Variants in SRPRB observed in about 807,000 individuals in gnomAD.
The protein encoded by SRPRB is SRP receptor subunit beta.
A neutral mutation model predicts 31.9 loss-of-function variants in SRPRB; 20 were observed. The observed-to-expected ratio is 0.63, with a 90% CI of 0.44 to 0.91. The LOEUF (loss-of-function observed/expected upper bound fraction) is 0.91, where lower values mean the gene tolerates loss of function less well. Ranked by LOEUF, SRPRB falls within the 40% of genes least tolerant of loss-of-function variation. The pLI is 0.00. For synonymous variants in SRPRB, 146 were observed against 132.8 expected (o/e 1.10, Z -0.68); for missense variants, 321 against 324.9 (o/e 0.99, Z 0.09).
At chr3:133,803,805 A>G (rs1434224374), upstream of SRPRB, among the ~76,000 whole-genome samples, 1 of 151,872 alleles carries the variant, frequency 6.6e-6, no homozygotes, top group Non-Finnish European at 1.5e-5. Context: ...CTGAGACTGC[A>G]GGCATATGCC....
chr3:133,812,674 T>A (rs918036228), intron 4 of SRPRB, among the ~76,000 whole-genome samples: 2 of 152,260 alleles, frequency 1.3e-5, no homozygotes, highest in Non-Finnish European at 2.9e-5. Flanking sequence ...GCTGTTCTTA[T>A]CATGGTTCCC....
chr3:133,790,198 C>T (rs1269875790), intron 1 of SRPRB: 2 of 152,114 alleles, frequency 1.3e-5, no homozygotes, highest in African/African-American at 2.4e-5. Context: ...CATTTAAGAT[C>T]TGGGCCATTT....
At chr3:133,794,701 C>G (rs1934923796) in intron 1 of SRPRB, 1 of 152,186 alleles carries the variant, frequency 6.6e-6, no homozygotes, top group Non-Finnish European at 1.5e-5. Flanking sequence ...GAACTGTACA[C>G]CCATTGGAAC....
chr3:133,823,309 AGTGGCAGTG>A (rs1935504395), downstream of SRPRB, among the ~76,000 whole-genome samples: 1 of 144,402 alleles, frequency 6.9e-6, no homozygotes, highest in Admixed American at 7.4e-5. Flanking sequence ...CCCAGGCTGG[AGTGGCAGTG>A]GTGCCGTCTC....
Position 133,820,521 on chromosome 3 carries a change from TG to T in SRPRB, c.*756del, listed in dbSNP as rs1434024661. On this transcript the variant is annotated 3_prime_UTR_variant, in exon 7 of 7. Transcript: ENST00000678299. ...GTGCTGCTCTGCTGCTCTGGATGGC[TG>T]AAGGCTCCTGGGCCATCTTCATGTG... 6.6e-6 allele frequency: 1 copy of T among 152,262 alleles called. No homozygotes were observed. The highest frequency in any genetic ancestry group is 2.4e-5 in the African/African-American group (1 of 41,454). 9.4% of individuals were successfully genotyped at this position (152,262 alleles called of 1,614,324 possible).
At chr3:133,786,261 T>A (rs995704785) in intron 1 of SRPRB, 1 of 150,752 alleles carries the variant, frequency 6.6e-6, no homozygotes, top group Non-Finnish European at 1.5e-5. Flanking sequence ...TTTTGAACTA[T>A]CTACCCTTTC....
chr3:133,808,443 T>C (rs1244338599), intron 3 of SRPRB, among the ~76,000 whole-genome samples: 1 of 152,228 alleles, frequency 6.6e-6, no homozygotes, highest in Non-Finnish European at 1.5e-5. Flanking sequence ...ATGAGCTGCA[T>C]AGTACTCCAC....
At chr3:133,807,945 G>T in intron 3 of SRPRB, 122 bp downstream of exon 3, 1 of 684,114 alleles carries the variant, frequency 1.5e-6, no homozygotes, top group Non-Finnish European at 2.5e-6. Flanking sequence ...TATTTTTATG[G>T]AGAAACATAT....
intron 1 of SRPRB, chr3:133,788,195 T>C (rs1934735068): frequency 6.6e-6 from 1 of 152,248 alleles, no homozygotes; most frequent in Non-Finnish European, 1.5e-5. Flanking sequence ...GGACATATAC[T>C]CTCCAACAGA....
chr3:133,800,080 A>C (rs2107963238), intron 1 of SRPRB, among the ~76,000 whole-genome samples: 1 of 152,290 alleles, frequency 6.6e-6, no homozygotes, highest in Non-Finnish European at 1.5e-5. Flanking sequence ...GCAGCCTATG[A>C]CTGAGGCTCA....
At chr3:133,811,052 C>A in intron 3 of SRPRB, 65 bp from the exon 4 acceptor site, 1 of 1,510,232 alleles carries the variant, frequency 6.6e-7, no homozygotes, top group Non-Finnish European at 9.1e-7. Flanking sequence ...ATATATGATA[C>A]TAAAGGTTTA....
intron 4 of SRPRB, among the ~76,000 whole-genome samples, chr3:133,812,126 C>T (rs1223296144): frequency 6.6e-6 from 1 of 152,000 alleles, no homozygotes; most frequent in East Asian, 1.9e-4. Context: ...TAGAATATAT[C>T]TTATAGTTGA....
upstream of SRPRB, among the ~76,000 whole-genome samples, chr3:133,802,405 GA>G (rs948989980): frequency 2.0e-5 from 3 of 150,086 alleles, no homozygotes; most frequent in East Asian, 1.9e-4. Flanking sequence ...GACCCTGCCT[GA>G]AAAAAAAAAT....
intron 1 of SRPRB, 152 bp downstream of exon 1, chr3:133,806,154 C>T (rs1935153326): frequency 4.6e-6 from 5 of 1,093,976 alleles, no homozygotes; most frequent in Non-Finnish European, 6.4e-6. Context: ...ACCCTCTCTC[C>T]TGAAGCAGCG....
At chr3:133,822,181 G>A (rs530546278), downstream of SRPRB, among the ~76,000 whole-genome samples, 3 of 152,110 alleles carry the variant, frequency 2.0e-5, no homozygotes, top group Admixed American at 6.6e-5. Flanking sequence ...AACTAGGCAC[G>A]ACTGTATGAC....
intron 4 of SRPRB, among the ~76,000 whole-genome samples, chr3:133,814,353 G>T (rs1344035753): frequency 1.3e-5 from 2 of 152,076 alleles, no homozygotes; most frequent in East Asian, 3.9e-4. Flanking sequence ...GGATGGTCTC[G>T]ATCTCCTGAC....
chr3:133,818,009 G>A (rs1408102825), intron 6 of SRPRB, among the ~76,000 whole-genome samples: 1 of 152,180 alleles, frequency 6.6e-6, no homozygotes, highest in Non-Finnish European at 1.5e-5. Flanking sequence ...GAACAATTTT[G>A]CCAGCCCTGC....
intron 1 of SRPRB, chr3:133,795,414 G>A (rs1204447964): frequency 2.6e-5 from 4 of 152,092 alleles, no homozygotes; most frequent in Non-Finnish European, 5.9e-5. Flanking sequence ...GGAATGACAA[G>A]AGCTGAAAGA....
At chr3:133,784,240 T>G (rs1934589803) in intron 1 of SRPRB, 1 of 152,184 alleles carries the variant, frequency 6.6e-6, no homozygotes, top group Non-Finnish European at 1.5e-5. Flanking sequence ...AAGAGAAGTG[T>G]AAGAATAACT....
Sources: allele counts gnomAD v4.1 joint callset (sites outside exome capture counted in the v4.1 genomes callset), GRCh38; gene constraint gnomAD v4.1.1; transcripts MANE v1.5; gene names NCBI Gene and HGNC (gene_info 2026-07-23, HGNC 2026-07-21).